PSD3: variants seen among roughly 807,000 people sequenced by gnomAD.
PSD3 encodes PH and SEC7 domain-containing protein 3.
A neutral mutation model predicts 105.5 loss-of-function variants in PSD3; 49 were observed. The ratio of observed to expected loss-of-function variants is 0.46; its 90% CI spans 0.37 to 0.59. The LOEUF (loss-of-function observed/expected upper bound fraction) is 0.59, where lower values mean the gene tolerates loss of function less well. Ranked by LOEUF, PSD3 falls within the 20% of genes least tolerant of loss-of-function variation. PSD3 has a pLI of 0.00. For missense variants in PSD3, 1,561 were observed against 1,263.8 expected (o/e 1.24, Z -3.57); for synonymous variants, 557 against 457.8 (o/e 1.22, Z -2.77).
intron 9 of PSD3, among the ~76,000 whole-genome samples, chr8:18,712,305 A>G (rs1250342966): frequency 6.7e-6 from 1 of 149,016 alleles, no homozygotes; most frequent in Admixed American, 6.7e-5. Context: ...AGGGACATGA[A>G]AAATCCTTCC....
intron 11 of PSD3, among the ~76,000 whole-genome samples, chr8:18,616,535 T>A (rs1335628063): frequency 6.6e-6 from 1 of 152,106 alleles, no homozygotes; most frequent in African/African-American, 2.4e-5. Flanking sequence ...CTCGCTCTCA[T>A]CATGCCTAGG....
At chr8:18,991,361 CACACACACACAT>C (rs1235687385) in intron 1 of PSD3, among the ~76,000 whole-genome samples, 2,470 of 62,380 alleles carry the variant, frequency 0.04, 47 homozygotes, top group African/African-American at 0.076. Context: ...CATACACACA[CACACACACACAT>C]ACACACACAC....
chr8:18,888,202 G>T (rs909288314), intron 2 of PSD3, among the ~76,000 whole-genome samples: 5 of 152,176 alleles, frequency 3.3e-5, no homozygotes, highest in African/African-American at 1.2e-4. Flanking sequence ...CCAAATATAA[G>T]AGGATATAGA....
intron 2 of PSD3, among the ~76,000 whole-genome samples, chr8:18,890,987 T>A (rs1818749134): frequency 1.3e-5 from 2 of 152,124 alleles, no homozygotes; most frequent in African/African-American, 4.8e-5. Flanking sequence ...ACCCAGCCTG[T>A]GATAGAAAGG....
At chr8:18,994,368 T>C (rs545171473) in intron 1 of PSD3, among the ~76,000 whole-genome samples, 28 of 152,226 alleles carry the variant, frequency 1.8e-4, no homozygotes, top group Middle Eastern at 3.4e-3. Context: ...TGTAAAAAAA[T>C]CCATCTTTAT....
chr8:19,020,715 A>C (rs1017989955), intron 1 of PSD3, among the ~76,000 whole-genome samples: 1 of 152,072 alleles, frequency 6.6e-6, no homozygotes, highest in Non-Finnish European at 1.5e-5. Context: ...GAGGTAAGAA[A>C]TGTTGAGATT....
rs1442556903 is a variant in PSD3, at chr8:18,766,347, A to C, written c.2083-809T>G. ...CAACTGTATCTCAAAAAACAAAAAC[A>C]AAGCAACCACAGGTTTATATACACA... is the stretch of plus-strand genomic sequence containing the variant. On this transcript the variant is annotated intron_variant, in intron 8 of 15. Transcript: ENST00000327040. Among the ~76,000 whole-genome samples, 9 of 152,290 alleles carry C rather than the reference A, an allele frequency of 5.9e-5. 1 individual carries two copies. The East Asian group carries it at 1.5e-3, about 26-fold the overall frequency.
intron 1 of PSD3, among the ~76,000 whole-genome samples, chr8:19,037,571 A>T (rs554398944): frequency 1.3e-5 from 2 of 152,364 alleles, no homozygotes; most frequent in South Asian, 4.1e-4. Flanking sequence ...GACTGAGTAC[A>T]GAAAATCATC....
chr8:19,063,539 G>T (rs772936111), intron 1 of PSD3, among the ~76,000 whole-genome samples: 2 of 152,174 alleles, frequency 1.3e-5, no homozygotes, highest in African/African-American at 4.8e-5. Context: ...CTACATCGTG[G>T]TGAGACAGGT....
chr8:18,814,820 T>C lies in PSD3; in HGVS notation c.1635-9922A>G, dbSNP rs189279093. Among the ~76,000 whole-genome samples the C allele has an allele frequency of 5.9e-5, 9 of 152,324 alleles. 1 individual carries two copies. Among genetic ancestry groups the C allele is most frequent in the African/African-American group, 2.2e-4 (9 of 41,584 alleles). On this transcript the variant is annotated intron_variant, in intron 4 of 15. Transcript: ENST00000327040. Reference sequence around the variant, plus strand: ...TTCTGGAGTCTTCTTAAGATGCCATTGGACATTCTCTTCTGTCTGAATTTC... The same window carrying C: ...TTCTGGAGTCTTCTTAAGATGCCATCGGACATTCTCTTCTGTCTGAATTTC...
chr8:18,744,224 C>T (rs1369209857), intron 9 of PSD3, among the ~76,000 whole-genome samples: 1 of 152,154 alleles, frequency 6.6e-6, no homozygotes, highest in Non-Finnish European at 1.5e-5. Context: ...TGGATTTTCA[C>T]ATTTAAACCT....
chr8:18,562,950 A>T (rs1045238565), intron 14 of PSD3, among the ~76,000 whole-genome samples: 1 of 151,826 alleles, frequency 6.6e-6, no homozygotes, highest in Non-Finnish European at 1.5e-5. Flanking sequence ...AAAACAAAAC[A>T]AAACCAAACC....
In PSD3 at chr8:18,772,104, C is replaced by T. The variant is rs149340019; in HGVS notation, c.2083-6566G>A. Among the ~76,000 whole-genome samples, 699 of 152,248 alleles carry T rather than the reference C, an allele frequency of 4.6e-3. 5 individuals are homozygous for T. Among genetic ancestry groups the T allele is most frequent in the African/African-American group, 0.016 (682 of 41,558 alleles). On this transcript the variant is annotated intron_variant, in intron 8 of 15. Coordinates refer to ENST00000327040, the MANE Select transcript of PSD3 (RefSeq NM_015310.4). ...AACGATTTTCCATTTTATGTAGAGA[C>T]AACATTTTATTTATACATAAATCTG...
chr8:18,714,560 CA>C (rs1167605204), intron 9 of PSD3, among the ~76,000 whole-genome samples: 1 of 151,972 alleles, frequency 6.6e-6, no homozygotes, highest in African/African-American at 2.4e-5. Context: ...TAGAGAAATG[CA>C]AATCAAAACC....
At chr8:19,024,597 G>A (rs151332289) in intron 1 of PSD3, among the ~76,000 whole-genome samples, 4 of 152,162 alleles carry the variant, frequency 2.6e-5, no homozygotes, top group Admixed American at 1.3e-4. Context: ...TGTTAATGAG[G>A]TGACTTAGGA....
intron 11 of PSD3, among the ~76,000 whole-genome samples, chr8:18,601,837 C>G (rs888531895): frequency 2.6e-5 from 4 of 152,138 alleles, no homozygotes; most frequent in African/African-American, 4.8e-5. Flanking sequence ...GCACTGCGCA[C>G]ACAGAAGAGA....
chr8:18,847,979 A>G (rs1458531593), intron 4 of PSD3, among the ~76,000 whole-genome samples: 3 of 152,212 alleles, frequency 2.0e-5, no homozygotes, highest in Non-Finnish European at 4.4e-5. Flanking sequence ...TGACAACTCA[A>G]AGAATGTTGA....
intron 1 of PSD3, among the ~76,000 whole-genome samples, chr8:18,997,618 C>T (rs553435347): frequency 6.6e-6 from 1 of 152,156 alleles, no homozygotes; most frequent in African/African-American, 2.4e-5. Flanking sequence ...GAAGCCCTTG[C>T]AATAGCAACA....
chr8:19,015,741 G>A (rs1255933959), upstream of PSD3, among the ~76,000 whole-genome samples: 2 of 152,184 alleles, frequency 1.3e-5, no homozygotes, highest in African/African-American at 2.4e-5. Context: ...GGTTAATAAT[G>A]CCATACAGAA....
Sources: allele counts gnomAD v4.1 joint callset (sites outside exome capture counted in the v4.1 genomes callset), GRCh38; gene constraint gnomAD v4.1.1; transcripts MANE v1.5; gene names NCBI Gene and HGNC (gene_info 2026-07-23, HGNC 2026-07-21).